Variants in CD36 observed in about 807,000 individuals in gnomAD.
CD36 encodes CD36 molecule (CD36 blood group).
In CD36, 119 loss-of-function variants were observed where a neutral mutation model predicts 55.2. The observed-to-expected ratio is 2.15, with a 90% CI of 1.86 to 2.51. The LOEUF (loss-of-function observed/expected upper bound fraction) is 2.51. Among genes scored for constraint, CD36 ranks in the 30% most tolerant of loss-of-function variants. CD36 has a pLI of 0.00. For synonymous variants in CD36, 186 were observed against 193.6 expected (o/e 0.96, Z 0.33); for missense variants, 819 against 555.5 (o/e 1.47, Z -4.77).
intron 10 of CD36, among the ~76,000 whole-genome samples, chr7:80,671,507 G>T (rs1049433380): frequency 2.0e-5 from 3 of 151,960 alleles, no homozygotes. Context: ...AAATAATTCC[G>T]AGAACACATT....
intron 8 of CD36, among the ~76,000 whole-genome samples, chr7:80,666,837 TAA>T (rs1430032128): frequency 6.6e-6 from 1 of 152,094 alleles, no homozygotes; most frequent in Non-Finnish European, 1.5e-5. Context: ...AGTATACAGA[TAA>T]GTTAGAATTG....
chr7:80,672,571 G>A (rs955822375), intron 11 of CD36, among the ~76,000 whole-genome samples, 199 bp from the exon 12 acceptor site: 1 of 151,258 alleles, frequency 6.6e-6, no homozygotes, highest in Admixed American at 6.6e-5. Flanking sequence ...CTTGACATTC[G>A]ATTGGGCAAA....
At chr7:80,616,946 A>G (rs993217542) in intron 1 of CD36, among the ~76,000 whole-genome samples, 2 of 152,218 alleles carry the variant, frequency 1.3e-5, no homozygotes, top group African/African-American at 4.8e-5. Context: ...TTTATGCCTC[A>G]GTGTCAGCAT....
intron 1 of CD36, among the ~76,000 whole-genome samples, chr7:80,607,287 A>C (rs2691198): frequency 0.19 from 29,049 of 152,088 alleles, 4,209 homozygotes; most frequent in African/African-American, 0.39. Flanking sequence ...GAAGAAAAAG[A>C]AAAGCACTTA....
At chr7:80,603,534 G>C (rs1307367198) in intron 1 of CD36, among the ~76,000 whole-genome samples, 1 of 152,088 alleles carries the variant, frequency 6.6e-6, no homozygotes. Context: ...AATAAAAGTG[G>C]ATTTGTGGGG....
At chr7:80,673,491 GT>G in intron 13 of CD36, 82 bp downstream of exon 13, 1 of 840,708 alleles carries the variant, frequency 1.2e-6, no homozygotes, top group Non-Finnish European at 2.1e-6. Flanking sequence ...AGAATGTATA[GT>G]ATTTAAAGCT....
At chr7:80,624,781 T>C (rs1309067970) in intron 1 of CD36, among the ~76,000 whole-genome samples, 1 of 152,086 alleles carries the variant, frequency 6.6e-6, no homozygotes, top group East Asian at 1.9e-4. Context: ...TGTTAAGTTA[T>C]AGATAGTCAT....
At chr7:80,637,384 A>T (rs2116231562), upstream of CD36, among the ~76,000 whole-genome samples, 1 of 152,174 alleles carries the variant, frequency 6.6e-6, no homozygotes, top group South Asian at 2.1e-4. Context: ...ATTCTTTTCT[A>T]ACTGAAAGCA....
At chr7:80,663,291 C>T in intron 6 of CD36, 122 bp downstream of exon 6, 1 of 837,660 alleles carries the variant, frequency 1.2e-6, no homozygotes, top group Non-Finnish European at 2.0e-6. Flanking sequence ...AGACATATAT[C>T]CTAACTTTTT....
rs1381033023 is a variant in CD36 at position 80,679,019 on chromosome 7, G to C, written c.*2636G>C. 1 of 152,136 alleles carries C rather than the reference G, an allele frequency of 6.6e-6. No homozygotes were observed. Among genetic ancestry groups the C allele is most frequent in the African/African-American group, 2.4e-5 (1 of 41,428 alleles). The allele number at this position is 152,136 out of a possible 1,614,324, so 9.4% of individuals were successfully genotyped here. A position where few individuals can be genotyped will look rare whatever the true frequency, so the allele number is the denominator to read the frequency against. On this transcript the variant is annotated 3_prime_UTR_variant, in exon 15 of 15. Transcript: ENST00000447544. ...TGGCTGCTCTCTTCACCTGCCCCTT[G>C]TGGCCTGTCTACAATTCTAAATGGA... is the stretch of plus-strand genomic sequence containing the variant.
chr7:80,640,947 T>G (rs1037633383), intron 1 of CD36, among the ~76,000 whole-genome samples: 1 of 152,028 alleles, frequency 6.6e-6, no homozygotes, highest in Non-Finnish European at 1.5e-5. Context: ...TATATTCTGA[T>G]AGGATAGAAA....
intron 1 of CD36, among the ~76,000 whole-genome samples, chr7:80,626,489 C>CAA (rs1793744692): frequency 6.6e-6 from 1 of 151,910 alleles, no homozygotes; most frequent in Non-Finnish European, 1.5e-5. Flanking sequence ...CATGAGAAAA[C>CAA]AAAACTAGTA....
At chr7:80,668,073 G>C (rs1452581150) in intron 8 of CD36, among the ~76,000 whole-genome samples, 1 of 152,054 alleles carries the variant, frequency 6.6e-6, no homozygotes. Context: ...TTGAGCCATA[G>C]GAGTGGGCAA....
At chr7:80,653,754 G>T (rs1366734923) in intron 3 of CD36, among the ~76,000 whole-genome samples, 2 of 152,072 alleles carry the variant, frequency 1.3e-5, no homozygotes, top group African/African-American at 4.8e-5. Flanking sequence ...TTTGTTTCTT[G>T]TGACATATTT....
intron 13 of CD36, 116 bp downstream of exon 13, chr7:80,673,525 T>C: frequency 2.7e-6 from 2 of 737,222 alleles, no homozygotes; most frequent in Non-Finnish European, 5.0e-6. Context: ...ATTACCCATA[T>C]GGATGAGTAT....
chr7:80,663,404 T>C (rs950661114), intron 6 of CD36, among the ~76,000 whole-genome samples: 6 of 152,194 alleles, frequency 3.9e-5, no homozygotes, highest in Admixed American at 3.9e-4. Context: ...ATAAGGTTTC[T>C]ACTCATTTAT....
chr7:80,663,192 A>AC, intron 6 of CD36, 23 bp downstream of exon 6: 1 of 1,570,628 alleles, frequency 6.4e-7, no homozygotes, highest in Non-Finnish European at 8.8e-7. Context: ...TATGAATGGC[A>AC]ATATTATTAC....
At chr7:80,638,247 G>A (rs1794556940), upstream of CD36, among the ~76,000 whole-genome samples, 1 of 151,900 alleles carries the variant, frequency 6.6e-6, no homozygotes. Flanking sequence ...CGCAAGCTCA[G>A]TCAAGACAGG....
chr7:80,605,974 C>A (rs1280313364), intron 1 of CD36, among the ~76,000 whole-genome samples: 3 of 152,070 alleles, frequency 2.0e-5, no homozygotes, highest in African/African-American at 7.2e-5. Flanking sequence ...CATATAAACT[C>A]CATAAAGGTA....
Sources: gnomAD v4.1 joint callset for allele counts (sites outside exome capture counted in the v4.1 genomes callset) on GRCh38, gnomAD v4.1.1 for gene constraint, MANE v1.5 for transcripts, NCBI Gene and HGNC (gene_info 2026-07-23, HGNC 2026-07-21) for gene names.